The following ETV6 variants were observed in gnomAD, a reference collection of about 807,000 sequenced individuals.
ETV6 encodes transcription factor ETV6.
In ETV6, 16 loss-of-function variants were observed where a neutral mutation model predicts 51.1. The ratio of observed to expected loss-of-function variants is 0.31; its 90% CI spans 0.21 to 0.48. The LOEUF is 0.48. Among genes scored for constraint, ETV6 ranks in the 20% least tolerant of loss-of-function variants. The pLI, the probability that ETV6 is intolerant of heterozygous loss-of-function variation, is 0.99. For synonymous variants in ETV6, 240 were observed against 224.1 expected (o/e 1.07, Z -0.64); for missense variants, 458 against 594.8 (o/e 0.77, Z 2.39).
chr12:11,702,097 C>T (rs1372847265), intron 1 of ETV6, among the ~76,000 whole-genome samples: 1 of 152,004 alleles, frequency 6.6e-6, no homozygotes, highest in Non-Finnish European at 1.5e-5. Flanking sequence ...TGTGGGTTGA[C>T]AGGGGGGTGT....
intron 2 of ETV6, among the ~76,000 whole-genome samples, chr12:11,778,761 T>C: frequency 6.6e-6 from 1 of 152,226 alleles, no homozygotes; most frequent in Non-Finnish European, 1.5e-5. Flanking sequence ...TGGGCTTGTA[T>C]TGCATGGTTT....
At chr12:11,858,824 A>AAC (rs1457260205) in intron 4 of ETV6, among the ~76,000 whole-genome samples, 5 of 124,398 alleles carry the variant, frequency 4.0e-5, no homozygotes, top group African/African-American at 5.0e-5. Context: ...TGGAAATCGC[A>AAC]AGTGATGAGG....
intron 1 of ETV6, chr12:11,751,538 C>T (rs895909781): frequency 6.1e-6 from 3 of 495,174 alleles, no homozygotes; most frequent in South Asian, 3.0e-5. Context: ...ACCCAACAGT[C>T]GGTTTCTTGC....
At chr12:11,807,374 A>G (rs970976472) in intron 2 of ETV6, among the ~76,000 whole-genome samples, 17 of 152,350 alleles carry the variant, frequency 1.1e-4, no homozygotes, top group African/African-American at 4.1e-4. Context: ...GAAAATTGGT[A>G]GAGTGAATTA....
At position 11,891,882 on chromosome 12, in the gene ETV6, G is replaced by T. The variant is rs556218257; in HGVS notation, c.*836G>T. 1.7e-4 allele frequency: 51 copies of T among 303,268 alleles called. No individual in the cohort carries two copies. The highest frequency in any genetic ancestry group is 2.9e-4 in the Non-Finnish European group (46 of 157,018). 18.8% of individuals were successfully genotyped at this position (303,268 alleles called of 1,614,324 possible). A position where few individuals can be genotyped will look rare whatever the true frequency, so the allele number is the denominator to read the frequency against. Reference sequence around the variant, plus strand: ...GGAGGCCAAAATCATCACAGATGCTGCTGTGCTGCAGACAGATACATGCTA... The same window carrying T: ...GGAGGCCAAAATCATCACAGATGCTTCTGTGCTGCAGACAGATACATGCTA... On this transcript the variant is annotated 3_prime_UTR_variant, in exon 8 of 8. Transcript: ENST00000396373.
At chr12:11,849,980 A>G (rs2136483855) in intron 3 of ETV6, among the ~76,000 whole-genome samples, 1 of 152,246 alleles carries the variant, frequency 6.6e-6, no homozygotes, top group South Asian at 2.1e-4. Flanking sequence ...CTAGTTGCTG[A>G]GGAAACATGT....
In ETV6 at chr12:11,870,004, T is replaced by G. The variant is rs747200546; in HGVS notation, c.1009+35T>G. 8.9e-6 allele frequency: 14 copies of G among 1,564,310 alleles called. No homozygotes were observed. In the African/African-American group the frequency reaches 1.6e-4, roughly 18 times the overall value. ...TTCCCCTCTCGCCGCTCCAGCATCA[T>G]GGGGACCTGACAAAGTCCCACTCTC... On this transcript the variant is annotated intron_variant, in intron 5 of 7. Transcript: ENST00000396373.
rs1947282347 is a variant in ETV6 at position 11,891,220 on chromosome 12, A to G, written c.*174A>G. 8 of 554,726 alleles carry G rather than the reference A, an allele frequency of 1.4e-5. No individual in the cohort carries two copies. The highest frequency in any genetic ancestry group is 1.9e-5 in the Non-Finnish European group (6 of 310,910). The allele number at this position is 554,726 out of a possible 1,614,324, so 34.4% of individuals were successfully genotyped here. A position where few individuals can be genotyped will look rare whatever the true frequency, so the allele number is the denominator to read the frequency against. On this transcript the variant is annotated 3_prime_UTR_variant, in exon 8 of 8. Coordinates refer to ENST00000396373, the MANE Select transcript of ETV6 (RefSeq NM_001987.5). The stretch of plus-strand genomic sequence containing the variant: ...AGGGACCCTGGAGCACCTTAGACAA[A>G]CTACCCAGCACAGGCGGGGCTGGAA...
chr12:11,655,144 A>G (rs1180418172), intron 1 of ETV6, among the ~76,000 whole-genome samples: 1 of 152,110 alleles, frequency 6.6e-6, no homozygotes, highest in Non-Finnish European at 1.5e-5. Context: ...AATTTTTAAA[A>G]CTTGCCCTTT....
At chr12:11,734,841 C>CCTAA (rs1203137607) in intron 1 of ETV6, among the ~76,000 whole-genome samples, 3 of 152,124 alleles carry the variant, frequency 2.0e-5, no homozygotes, top group Non-Finnish European at 4.4e-5. Flanking sequence ...GCTTCCAAGC[C>CCTAA]GTAGCTCTTA....
intron 2 of ETV6, among the ~76,000 whole-genome samples, chr12:11,757,427 C>CA (rs5796460): frequency 0.61 from 92,499 of 150,510 alleles, 28,792 homozygotes; most frequent in Admixed American, 0.73. Context: ...TGTTTGTTCC[C>CA]AAAAAAAAAG....
Position 11,893,928 on chromosome 12 carries a change from A to G in ETV6, c.*2882A>G, listed in dbSNP as rs1011640073. On this transcript the variant is annotated 3_prime_UTR_variant, in exon 8 of 8. Transcript: ENST00000396373. ...ACCCAGAACACTTCTGGTCCCAAGC[A>G]TTTCAGATAAGGGATATCAATCTGT... The G allele has an allele frequency of 9.6e-6, 2 of 208,084 alleles. No homozygotes were observed. The highest frequency in any genetic ancestry group is 9.7e-6 in the Non-Finnish European group (1 of 102,844). 12.9% of individuals were successfully genotyped at this position (208,084 alleles called of 1,614,324 possible).
chr12:11,774,634 C>T (rs1216810551), intron 2 of ETV6, among the ~76,000 whole-genome samples: 2 of 152,188 alleles, frequency 1.3e-5, no homozygotes, highest in Non-Finnish European at 2.9e-5. Context: ...TTTCATTTGG[C>T]TCACAAAAGA....
intron 2 of ETV6, among the ~76,000 whole-genome samples, chr12:11,781,216 A>C (rs530801761): frequency 6.6e-6 from 1 of 152,206 alleles, no homozygotes; most frequent in Non-Finnish European, 1.5e-5. Context: ...GAAGGACCTC[A>C]GAGATGATAT....
intron 2 of ETV6, among the ~76,000 whole-genome samples, chr12:11,810,943 C>CT (rs951782309): frequency 1.2e-4 from 18 of 149,570 alleles, no homozygotes; most frequent in Admixed American, 2.0e-4. Context: ...ACAGGCAGCT[C>CT]TTTTTTTTTT....
chr12:11,786,308 C>T (rs1414201471), intron 2 of ETV6, among the ~76,000 whole-genome samples: 1 of 148,434 alleles, frequency 6.7e-6, no homozygotes, highest in Non-Finnish European at 1.5e-5. Context: ...ACCACAAAAT[C>T]TGTTATCAAT....
intron 1 of ETV6, among the ~76,000 whole-genome samples, chr12:11,699,419 A>G (rs1417817870): frequency 2.0e-5 from 3 of 152,168 alleles, no homozygotes; most frequent in Non-Finnish European, 4.4e-5. Context: ...TGGAAAAGGC[A>G]GCATAGGTCT....
chr12:11,845,440 A>G (rs897912847), intron 3 of ETV6, among the ~76,000 whole-genome samples: 6 of 152,150 alleles, frequency 3.9e-5, no homozygotes, highest in African/African-American at 1.4e-4. Context: ...CTTATAGTCC[A>G]TATCCAGCTG....
intron 2 of ETV6, among the ~76,000 whole-genome samples, chr12:11,765,948 T>C (rs939505697): frequency 6.6e-6 from 1 of 152,200 alleles, no homozygotes; most frequent in Non-Finnish European, 1.5e-5. Context: ...GTCTGTGTGA[T>C]GCAGGTATGC....
Sources: allele counts gnomAD v4.1 joint callset (sites outside exome capture counted in the v4.1 genomes callset), GRCh38; gene constraint gnomAD v4.1.1; transcripts MANE v1.5; gene names NCBI Gene and HGNC (gene_info 2026-07-23, HGNC 2026-07-21).